SNRPA1: variants seen among roughly 807,000 people sequenced by gnomAD.
SNRPA1 encodes small nuclear ribonucleoprotein polypeptide A'.
A neutral mutation model predicts 32.3 loss-of-function variants in SNRPA1; 5 were observed. That is an observed-to-expected ratio of 0.15 (90% CI 0.08 to 0.33). The LOEUF (loss-of-function observed/expected upper bound fraction) is 0.33, where lower values mean the gene tolerates loss of function less well. Ranked by LOEUF, SNRPA1 falls within the 10% of genes least tolerant of loss-of-function variation. The pLI is 1.00. For synonymous variants in SNRPA1, 111 were observed against 120.1 expected, an observed-to-expected ratio of 0.92 and a Z score of 0.50; for missense variants, 198 against 311.1, an observed-to-expected ratio of 0.64 and a Z score of 2.74.
chr15:101,289,041 G>C (rs185882989), intron 3 of SNRPA1, among the ~76,000 whole-genome samples: 75 of 152,288 alleles, frequency 4.9e-4, no homozygotes, highest in African/African-American at 1.8e-3. Flanking sequence ...AGGGAGAGCA[G>C]AGCCAGAAAT....
At chr15:101,288,980 G>T (rs925791462) in intron 3 of SNRPA1, among the ~76,000 whole-genome samples, 1 of 152,170 alleles carries the variant, frequency 6.6e-6, no homozygotes, top group African/African-American at 2.4e-5. Flanking sequence ...GGTGGGGAAG[G>T]GGTGTGTGTG....
At chr15:101,286,027 C>T (rs1304289364) in intron 6 of SNRPA1, 187 bp downstream of exon 6, 2 of 643,346 alleles carry the variant, frequency 3.1e-6, no homozygotes, top group African/African-American at 3.7e-5. Flanking sequence ...AATATTTGCT[C>T]TGCTAAGCTG....
Position 101,295,077 on chromosome 15 carries a change from G to A in SNRPA1, c.82+20C>T. ...GCTCGGTGCCGCCTGGGGACTGGCCGCCCACGCCCCCGGACTCACCCCGGA... is the reference window on the plus strand; with the variant it reads ...GCTCGGTGCCGCCTGGGGACTGGCCACCCACGCCCCCGGACTCACCCCGGA... On this transcript the variant is annotated intron_variant, in intron 1 of 8. Transcript: ENST00000254193. 2.1e-6 allele frequency: 3 copies of A among 1,440,540 alleles called. No homozygotes were observed. Among genetic ancestry groups the A allele is most frequent in the East Asian group, 2.9e-5 (1 of 34,010 alleles). The allele number at this position is 1,440,540 out of a possible 1,614,324, so 89.2% of individuals were successfully genotyped here. A position where few individuals can be genotyped will look rare whatever the true frequency, so the allele number is the denominator to read the frequency against.
intron 1 of SNRPA1, 101 bp downstream of exon 1, chr15:101,294,996 C>T: frequency 9.6e-6 from 7 of 729,186 alleles, no homozygotes; most frequent in Non-Finnish European, 1.4e-5. Context: ...AGACAACCGG[C>T]CCGCGGGCCA....
At chr15:101,293,196 C>T in intron 1 of SNRPA1, 24 bp from the exon 2 acceptor site, 1 of 1,553,216 alleles carries the variant, frequency 6.4e-7, no homozygotes. Flanking sequence ...GAAAAAAACA[C>T]AAGAGGTATT....
At position 101,292,982 on chromosome 15, in the gene SNRPA1, T is replaced by G. The variant is rs377738813; in HGVS notation, c.230+43A>C. The G allele has an allele frequency of 5.4e-5, 79 of 1,451,558 alleles. No homozygotes were observed. In the African/African-American group the frequency reaches 7.6e-4, roughly 14 times the overall value. 89.9% of individuals were successfully genotyped at this position (1,451,558 alleles called of 1,614,324 possible). On this transcript the variant is annotated intron_variant, in intron 2 of 8. Coordinates refer to ENST00000254193, the MANE Select transcript of SNRPA1 (RefSeq NM_003090.4). ...AACTTCTTCAGGAAACACTGCAACATTTACTCTAGGGGAAAAAATTACTTT... is the reference window on the plus strand; with the variant it reads ...AACTTCTTCAGGAAACACTGCAACAGTTACTCTAGGGGAAAAAATTACTTT...
chr15:101,290,396 TCA>T (rs760835438), intron 3 of SNRPA1, among the ~76,000 whole-genome samples: 15 of 152,314 alleles, frequency 9.8e-5, no homozygotes, highest in Non-Finnish European at 8.8e-5. Context: ...GTTGAATACT[TCA>T]CACACTTCAG....
Position 101,287,641 on chromosome 15 carries a change from A to G in SNRPA1, c.356+15T>C, listed in dbSNP as rs779311590. On this transcript the variant is annotated intron_variant, in intron 4 of 8. Coordinates refer to ENST00000254193, the MANE Select transcript of SNRPA1 (RefSeq NM_003090.4). ...TTAAAGGGCTTCATTTTGTCACAAT[A>G]TGTAATTCCCATACCTTAGGTAAGT... The G allele has an allele frequency of 6.2e-7, 1 of 1,607,534 alleles. No homozygotes were observed.
chr15:101,290,766 G>A (rs911378376), intron 3 of SNRPA1, among the ~76,000 whole-genome samples: 5 of 142,622 alleles, frequency 3.5e-5, no homozygotes, highest in Admixed American at 2.9e-4. Context: ...TTTTTGAGAC[G>A]GAGTCTCTTT....
At position 101,290,740 on chromosome 15, in the gene SNRPA1, A is replaced by ATT. The variant is rs766825971; in HGVS notation, c.309+1220_309+1221dup. On this transcript the variant is annotated intron_variant, in intron 3 of 8. Transcript: ENST00000254193. ...ACAGATGCACGCTACCACTTTTGGCATTTTTTTTTTTTTTTTTTTTGAGAC... is the reference window on the plus strand; with the variant it reads ...ACAGATGCACGCTACCACTTTTGGCATTTTTTTTTTTTTTTTTTTTTTGAGAC... 2.9e-3 allele frequency among the ~76,000 whole-genome samples: 347 copies of ATT among 118,554 alleles called. 2 individuals carry two copies. Among genetic ancestry groups the ATT allele is most frequent in the African/African-American group, 9.2e-3 (276 of 30,036 alleles). 77.8% of individuals were successfully genotyped at this position (118,554 alleles called of 152,430 possible).
chr15:101,286,095 T>C (rs898770248), intron 6 of SNRPA1, 119 bp downstream of exon 6: 4 of 828,102 alleles, frequency 4.8e-6, no homozygotes, highest in Admixed American at 4.9e-5. Context: ...AGCACTCAAA[T>C]TTAATACCAC....
rs1031915783 is a variant in SNRPA1 at position 101,287,817 on chromosome 15, C to G, written c.310-115G>C. ...TTTCATTATTTACTGAATTTTTACT[C>G]TCTAGCAACAAGCCCAATACTAGCA... On this transcript the variant is annotated intron_variant, in intron 3 of 8. Coordinates refer to ENST00000254193, the MANE Select transcript of SNRPA1 (RefSeq NM_003090.4). The G allele has an allele frequency of 5.7e-6, 5 of 873,792 alleles. No homozygotes were observed. In the African/African-American group the frequency reaches 8.4e-5, roughly 15 times the overall value. The allele number at this position is 873,792 out of a possible 1,614,324, so 54.1% of individuals were successfully genotyped here. A position where few individuals can be genotyped will look rare whatever the true frequency, so the allele number is the denominator to read the frequency against.
rs1050511250 is a variant in SNRPA1, at chr15:101,294,838, G to A, written c.82+259C>T. The A allele has an allele frequency of 1.3e-5, 5 of 395,730 alleles. No homozygotes were observed. In the East Asian group the frequency reaches 1.8e-4, roughly 15 times the overall value. The allele number at this position is 395,730 out of a possible 1,614,324, so 24.5% of individuals were successfully genotyped here. Reference sequence around the variant, plus strand: ...CAAGCAAGGCCTAACAGGGCCCCACGAGGACGCACCAGGAAGTAATGAAGT... The same window carrying A: ...CAAGCAAGGCCTAACAGGGCCCCACAAGGACGCACCAGGAAGTAATGAAGT... On this transcript the variant is annotated intron_variant, in intron 1 of 8. Coordinates refer to ENST00000254193, the MANE Select transcript of SNRPA1 (RefSeq NM_003090.4).
At position 101,291,943 on chromosome 15, in the gene SNRPA1, T is replaced by C; in HGVS notation, c.309+19A>G. ...TTTAACCCCACCCACCAAATACATT[T>C]TCCTTCTGTGCAACTTACCAGTTCC... On this transcript the variant is annotated intron_variant, in intron 3 of 8. Transcript: ENST00000254193. 6.4e-7 allele frequency: 1 copy of C among 1,559,810 alleles called. No homozygotes were observed. The highest frequency in any genetic ancestry group is 8.8e-7 in the Non-Finnish European group (1 of 1,133,520).
intron 8 of SNRPA1, among the ~76,000 whole-genome samples, chr15:101,282,536 G>C (rs1200170661): frequency 6.6e-6 from 1 of 152,228 alleles, no homozygotes; most frequent in Non-Finnish European, 1.5e-5. Flanking sequence ...ACAAATGGTA[G>C]CTTCCTCAAG....
chr15:101,295,146 C>G lies in SNRPA1; in HGVS notation c.33G>C (p.Gln11His), dbSNP rs561721413. MVKLTAELIEQAAQYTNAVRD... is the reference protein window; with the variant it reads MVKLTAELIEHAAQYTNAVRD... ...GCACCGCGTTGGTGTACTGCGCCGCCTGCTCGATCAGCTCCGCCGTCAGCT... is the reference window on the plus strand; with the variant it reads ...GCACCGCGTTGGTGTACTGCGCCGCGTGCTCGATCAGCTCCGCCGTCAGCT... Residue 11 changes from glutamine to histidine, a missense_variant, in exon 1 of 9, where the codon CAG becomes CAC. Gln to His is a conservative substitution (Grantham distance 24). Around this residue, in one of 3 missense-constraint regions of SNRPA1, gnomAD observed 119 missense variants for 171.6 expected, o/e 0.69. Transcript: ENST00000254193. The G allele has an allele frequency of 2.6e-6, 4 of 1,559,250 alleles. No individual in the cohort carries two copies. In the Admixed American group the frequency reaches 5.5e-5, roughly 21 times the overall value.
At chr15:101,282,733 C>T (rs1228944994) in intron 8 of SNRPA1, among the ~76,000 whole-genome samples, 7 of 152,206 alleles carry the variant, frequency 4.6e-5, no homozygotes, top group African/African-American at 7.2e-5. Flanking sequence ...AAAAATGTCA[C>T]ACCCATTAAT....
chr15:101,294,636 G>A (rs1015080608), intron 1 of SNRPA1, among the ~76,000 whole-genome samples: 3 of 152,298 alleles, frequency 2.0e-5, no homozygotes, highest in South Asian at 4.1e-4. Context: ...AAACAATCGC[G>A]GTTGTTCGGG....
chr15:101,283,675 G>T (rs939646701), intron 8 of SNRPA1, among the ~76,000 whole-genome samples: 1 of 152,184 alleles, frequency 6.6e-6, no homozygotes, highest in African/African-American at 2.4e-5. Flanking sequence ...GGCTGGGCAC[G>T]GGGCTCACGC....
Sources: allele counts gnomAD v4.1 joint callset (sites outside exome capture counted in the v4.1 genomes callset), GRCh38; gene constraint gnomAD v4.1.1; regional missense constraint gnomAD v4.1.1; transcripts MANE v1.5; gene names NCBI Gene and HGNC (gene_info 2026-07-23, HGNC 2026-07-21).